The following FBXO16 variants were observed in gnomAD, a reference collection of about 807,000 sequenced individuals.
FBXO16 encodes the protein F-box protein 16, also known as F-box only protein 16.
Under a neutral mutation model 41.0 loss-of-function variants are expected in FBXO16, and 31 were observed. That is an observed-to-expected ratio of 0.76 (90% confidence interval 0.57 to 1.02). The LOEUF (loss-of-function observed/expected upper bound fraction) is 1.02, where lower values mean the gene tolerates loss of function less well. Among genes scored for constraint, FBXO16 ranks in the 50% least tolerant of loss-of-function variants. The probability of loss-of-function intolerance (pLI) is 0.00; values close to 1 mark genes in which losing one functional copy is unlikely to be tolerated. For synonymous variants in FBXO16, 133 were observed against 117.8 expected (o/e 1.13, Z -0.84); for missense variants, 361 against 346.2 (o/e 1.04, Z -0.34).
At position 28,455,301 on chromosome 8, in the gene FBXO16, A is replaced by T. The variant is rs1378092619; in HGVS notation, c.507+1465T>A. On this transcript the variant is annotated intron_variant, in intron 5 of 8. Coordinates refer to ENST00000380254, the MANE Select transcript of FBXO16 (RefSeq NM_172366.4). Reference sequence around the variant, plus strand: ...GTCACCCAGGCTGGAGTGTGGCACAATCACAGCTCACTGCAGCCTCAACCT... The same window carrying T: ...GTCACCCAGGCTGGAGTGTGGCACATTCACAGCTCACTGCAGCCTCAACCT... Among the ~76,000 whole-genome samples, 16 of 151,902 alleles carry T rather than the reference A, an allele frequency of 1.1e-4. No individual in the cohort carries two copies. In the East Asian group the frequency reaches 2.9e-3, roughly 27 times the overall value.
intron 3 of FBXO16, chr8:28,465,300 T>G: frequency 2.5e-6 from 1 of 399,358 alleles, no homozygotes; most frequent in Non-Finnish European, 5.1e-6. Flanking sequence ...AGGAGGTTGG[T>G]TGGCTTCAGG....
intron 2 of FBXO16, among the ~76,000 whole-genome samples, chr8:28,474,421 A>C (rs1803391490): frequency 6.6e-6 from 1 of 151,760 alleles, no homozygotes; most frequent in Non-Finnish European, 1.5e-5. Flanking sequence ...AAAGTGAAAG[A>C]AATTTTAAAA....
At chr8:28,487,351 A>G (rs762679449) in intron 1 of FBXO16, among the ~76,000 whole-genome samples, 16 of 150,728 alleles carry the variant, frequency 1.1e-4, no homozygotes, top group Non-Finnish European at 1.5e-4. Flanking sequence ...ATGCACATAC[A>G]TGTTCACAGA....
At chr8:28,485,750 A>T (rs1194501728) in intron 1 of FBXO16, among the ~76,000 whole-genome samples, 1 of 152,240 alleles carries the variant, frequency 6.6e-6, no homozygotes. Context: ...CTAAGCCAAA[A>T]GAAATGATTT....
At chr8:28,488,416 C>A (rs1356923861) in intron 1 of FBXO16, among the ~76,000 whole-genome samples, 1 of 150,698 alleles carries the variant, frequency 6.6e-6, no homozygotes, top group Admixed American at 6.7e-5. Context: ...CCATGTCAGC[C>A]TCCCAAGTAG....
At chr8:28,457,840 T>C (rs189794631) in intron 4 of FBXO16, among the ~76,000 whole-genome samples, 159 of 152,334 alleles carry the variant, frequency 1.0e-3, no homozygotes, top group African/African-American at 2.6e-3. Flanking sequence ...CTACAAAGCA[T>C]AAAGCACTTA....
At chr8:28,446,388 C>T (rs562729442) in intron 7 of FBXO16, among the ~76,000 whole-genome samples, 15 of 150,872 alleles carry the variant, frequency 9.9e-5, no homozygotes, top group South Asian at 6.3e-4. Context: ...GCCCAGGCTG[C>T]GCTCGAATCC....
intron 7 of FBXO16, among the ~76,000 whole-genome samples, chr8:28,443,132 C>T (rs1802807179): frequency 6.6e-6 from 1 of 152,046 alleles, no homozygotes; most frequent in Non-Finnish European, 1.5e-5. Flanking sequence ...GATCCTCCCA[C>T]CTCAGCCTCC....
rs147700423 is a variant in FBXO16, at chr8:28,456,776, G to C, written c.497C>G (p.Thr166Ser). 6.3e-5 allele frequency: 101 copies of C among 1,613,900 alleles called. No individual in the cohort carries two copies. The African/African-American group carries it at 1.3e-3, about 20-fold the overall frequency. Reference sequence around the variant, plus strand: ...CTGTCTAAAATTCACCTTAGGCTTGGTAATATGAAGTTCTTTCACCATTTG... The same window carrying C: ...CTGTCTAAAATTCACCTTAGGCTTGCTAATATGAAGTTCTTTCACCATTTG... Reference protein sequence around the residue: ...YIQMVKELHITKPKTPPKDGF... With the variant: ...YIQMVKELHISKPKTPPKDGF... Residue 166 changes from threonine to serine, a missense_variant, in exon 5 of 9, where the codon ACC becomes AGC. Coordinates refer to ENST00000380254, the MANE Select transcript of FBXO16 (RefSeq NM_172366.4).
chr8:28,473,765 T>A lies in FBXO16; in HGVS notation c.135+7A>T, dbSNP rs757174812. 6.3e-7 allele frequency: 1 copy of A among 1,597,564 alleles called. No individual in the cohort carries two copies. Among genetic ancestry groups the A allele is most frequent in the Non-Finnish European group, 8.6e-7 (1 of 1,168,664 alleles). On this transcript the variant is annotated splice_region_variant and intron_variant, in intron 3 of 8. Transcript: ENST00000380254. ...ATAATGCAAAAATAGTATTTTTAAATGTTTACCCATTTGCCAAGCAGGGCT... is the reference window on the plus strand; with the variant it reads ...ATAATGCAAAAATAGTATTTTTAAAAGTTTACCCATTTGCCAAGCAGGGCT...
rs753478353 is a variant in FBXO16 at position 28,463,818 on chromosome 8, A to T, written c.136T>A (p.Phe46Ile). 1 of 1,613,176 alleles carries T rather than the reference A, an allele frequency of 6.2e-7. No homozygotes were observed. The highest frequency in any genetic ancestry group is 1.7e-5 in the Admixed American group (1 of 60,004). Residue 46 changes from phenylalanine (F) to isoleucine (I), a missense_variant and splice_region_variant, in exon 4 of 9, where the codon TTT (phenylalanine) becomes ATT (isoleucine). Coordinates refer to ENST00000380254, the MANE Select transcript of FBXO16 (RefSeq NM_172366.4). ...CTTTGAGAGTCTGTCCATTTGTCAA[A>T]CTGGAAACACAAAACAAAGCAAAAT... ...EERRALLGKW[F>I]DKWTDSQRRR...
chr8:28,484,483 TTTAA>T (rs1430033184), intron 1 of FBXO16, among the ~76,000 whole-genome samples: 1 of 152,264 alleles, frequency 6.6e-6, no homozygotes, highest in Non-Finnish European at 1.5e-5. Context: ...AGCCTGATGG[TTTAA>T]TTAATTAAGG....
chr8:28,462,203 G>T (rs1240972369), intron 4 of FBXO16, among the ~76,000 whole-genome samples: 1 of 151,560 alleles, frequency 6.6e-6, no homozygotes, highest in African/African-American at 2.4e-5. Context: ...GCCTCCCAAA[G>T]TGCTGGGATT....
intron 7 of FBXO16, among the ~76,000 whole-genome samples, chr8:28,446,600 G>A (rs1035517172): frequency 2.0e-5 from 3 of 151,882 alleles, no homozygotes; most frequent in Non-Finnish European, 4.4e-5. Context: ...GGCCAGGCGC[G>A]GTGGCTCATG....
intron 2 of FBXO16, among the ~76,000 whole-genome samples, chr8:28,475,045 T>C (rs1803403452): frequency 6.6e-6 from 1 of 152,250 alleles, no homozygotes; most frequent in East Asian, 1.9e-4. Context: ...CTTTATCCCA[T>C]ACACCCTCTG....
chr8:28,466,179 C>T (rs1215466919), intron 3 of FBXO16, among the ~76,000 whole-genome samples: 8 of 151,810 alleles, frequency 5.3e-5, no homozygotes, highest in Admixed American at 4.6e-4. Flanking sequence ...GCGGAGGTTG[C>T]GGAGTGCTAT....
chr8:28,480,161 T>C (rs1393375609), intron 2 of FBXO16, among the ~76,000 whole-genome samples: 2 of 150,912 alleles, frequency 1.3e-5, no homozygotes, highest in Admixed American at 6.6e-5. Flanking sequence ...TCTCATTCTC[T>C]TTCCTCTTTC....
intron 7 of FBXO16, among the ~76,000 whole-genome samples, chr8:28,438,444 G>T (rs1802716726): frequency 6.6e-6 from 1 of 152,150 alleles, no homozygotes; most frequent in Non-Finnish European, 1.5e-5. Context: ...TATGGGCCAG[G>T]GCCTCCCACC....
intron 2 of FBXO16, among the ~76,000 whole-genome samples, chr8:28,481,057 G>GC (rs34633313): frequency 0.46 from 69,333 of 151,732 alleles, 16,522 homozygotes; most frequent in East Asian, 0.64. Context: ...TCACTCGGGG[G>GC]CCCCGAGCCG....
Sources: allele counts gnomAD v4.1 joint callset (sites outside exome capture counted in the v4.1 genomes callset), GRCh38; gene constraint gnomAD v4.1.1; transcripts MANE v1.5; gene names NCBI Gene and HGNC (gene_info 2026-07-23, HGNC 2026-07-21).